ARHGAP4: variants seen among roughly 807,000 people sequenced by gnomAD.
ARHGAP4 encodes Rho GTPase activating protein 4.
In ARHGAP4, 25 loss-of-function variants were observed where a neutral mutation model predicts 67.6. The ratio of observed to expected loss-of-function variants is 0.37; its 90% CI spans 0.27 to 0.52. The LOEUF is 0.52. ARHGAP4 is among the 20% of genes least tolerant of loss of function. ARHGAP4 has a pLI of 0.92. For missense variants in ARHGAP4, 804 were observed against 854.6 expected (o/e 0.94, Z 0.74); for synonymous variants, 448 against 373.7 (o/e 1.20, Z -2.29).
At chrX:153,917,044 T>C (rs1416540132) in intron 7 of ARHGAP4, among the ~76,000 whole-genome samples, 2 of 111,052 alleles carry the variant, frequency 1.8e-5, no homozygotes, top group African/African-American at 6.6e-5. Context: ...GGTGAAACCC[T>C]GTCTCTACTT....
At chrX:153,925,815 AG>A (rs1446734633) in intron 1 of ARHGAP4, among the ~76,000 whole-genome samples, 1 of 113,008 alleles carries the variant, frequency 8.8e-6, no homozygotes, top group African/African-American at 3.2e-5. Context: ...CTGCCTTCTG[AG>A]GGGCACGTTG....
At chrX:153,908,002 C>T (rs782232463) in intron 21 of ARHGAP4, 40 bp from the exon 22 acceptor site, 1 of 1,116,278 alleles carries the variant, frequency 9.0e-7, no homozygotes, top group Non-Finnish European at 1.2e-6. Flanking sequence ...CCAGTGAGTT[C>T]CCCCGACTGA....
intron 21 of ARHGAP4, 22 bp from the exon 22 acceptor site, chrX:153,907,984 G>T (rs1169805161): frequency 2.6e-6 from 3 of 1,135,830 alleles, no homozygotes; most frequent in African/African-American, 1.9e-5. Context: ...GAAAGAAAGG[G>T]AGAGTGACCA....
intron 1 of ARHGAP4, among the ~76,000 whole-genome samples, chrX:153,924,749 G>A (rs1423174563): frequency 1.8e-5 from 2 of 111,988 alleles, no homozygotes; most frequent in African/African-American, 3.3e-5. Flanking sequence ...CAAAAGGAGA[G>A]CTGGAATCCA....
chrX:153,913,054 G>A lies in ARHGAP4; in HGVS notation c.1412-3C>T. The A allele has an allele frequency of 1.7e-6, 2 of 1,191,605 alleles. No individual in the cohort carries two copies. Among genetic ancestry groups the A allele is most frequent in the Non-Finnish European group, 2.3e-6 (2 of 884,777 alleles). ...CACCTCCTGCTCCTCCTTGTCACCT[G>A]TGGGGTGGGAGAACATTGGTCTGCC... On this transcript the variant is annotated splice_polypyrimidine_tract_variant and splice_region_variant and intron_variant, in intron 10 of 21. Transcript: ENST00000350060.
Position 153,918,970 on chromosome X carries a change from T to C in ARHGAP4, c.894A>G (p.Gln298=), listed in dbSNP as rs781945224. Residue 298 remains glutamine (Q), a synonymous_variant, in exon 7 of 22, where the codon CAA becomes CAG. Coordinates refer to ENST00000350060, the MANE Select transcript of ARHGAP4 (RefSeq NM_001666.5). ...CTTCCAGGCTGCCCAGGCCCTGCAC[T>C]TGGGAGGCTTGGGTGCGGCTCTCAG... ...TAAESRTQAS[Q]VQGLGSLEEA... The C allele has an allele frequency of 9.1e-6, 11 of 1,211,878 alleles. No homozygotes were observed. Among genetic ancestry groups the C allele is most frequent in the Middle Eastern group, 2.3e-4 (1 of 4,355 alleles).
In ARHGAP4 at chrX:153,910,363, T is replaced by C; in HGVS notation, c.1964A>G (p.Asn655Ser). ...YSDENMMDPY[N>S]LAVCFGPTLL... ...CGTGGGCCCGAAGCACACGGCCAGG[T>C]TGTAGGGGTCCATCATGTTCTCATC... The change falls in exon 17 of 22, where the codon AAC (asparagine) becomes AGC (serine). Residue 655 changes from asparagine (N) to serine (S), a missense_variant. Physicochemically the swap from Asn to Ser is conservative, Grantham distance 46. This residue lies in a region of ARHGAP4 where 400 missense variants were observed against 348.7 expected (regional missense o/e 1.15). Coordinates refer to ENST00000350060, the MANE Select transcript of ARHGAP4 (RefSeq NM_001666.5). The C allele has an allele frequency of 8.3e-7, 1 of 1,203,793 alleles. No individual in the cohort carries two copies. The highest frequency in any genetic ancestry group is 1.1e-6 in the Non-Finnish European group (1 of 891,496).
chrX:153,913,229 G>A lies in ARHGAP4; in HGVS notation c.1400C>T (p.Ala467Val). 1 of 1,168,607 alleles carries A rather than the reference G, an allele frequency of 8.6e-7. No individual in the cohort carries two copies. Among genetic ancestry groups the A allele is most frequent in the Non-Finnish European group, 1.1e-6 (1 of 873,573 alleles). ...LQAKHEKLQE[A>V]LQRGDKEEQE... is the part of the protein sequence containing the mutation. ...AGCACTGGGCCCACCTCGCTGAAGG[G>A]CCTCCTGCAGCTTCTCGTGCTTGGC... The change falls in exon 10 of 22, where the codon GCC (alanine) becomes GTC (valine). Residue 467 changes from alanine to valine, a missense_variant. Physicochemically the swap from Ala to Val is moderately conservative, Grantham distance 64. Transcript: ENST00000350060.
At chrX:153,925,745 G>T (rs1258710262) in intron 1 of ARHGAP4, among the ~76,000 whole-genome samples, 1 of 111,830 alleles carries the variant, frequency 8.9e-6, no homozygotes, top group Admixed American at 9.5e-5. Flanking sequence ...CCACTCACCC[G>T]GACTCCCTTA....
chrX:153,911,447 C>T (rs1569545856), intron 12 of ARHGAP4, among the ~76,000 whole-genome samples: 1 of 110,570 alleles, frequency 9.0e-6, no homozygotes, highest in Non-Finnish European at 1.9e-5. Flanking sequence ...CTCTGAAGAA[C>T]ACATCATCGT....
chrX:153,909,428 C>A lies in ARHGAP4; in HGVS notation c.2507+15G>T. On this transcript the variant is annotated intron_variant, in intron 20 of 21. Coordinates refer to ENST00000350060, the MANE Select transcript of ARHGAP4 (RefSeq NM_001666.5). ...AGCACACGTGTGGCCCCCTGAGCCC[C>A]GTCTTCTTGCTCACCGGTGGACCAG... 1 of 1,181,408 alleles carries A rather than the reference C, an allele frequency of 8.5e-7. No individual in the cohort carries two copies. Among genetic ancestry groups the A allele is most frequent in the Non-Finnish European group, 1.1e-6 (1 of 879,194 alleles).
At chrX:153,913,079 C>T in intron 10 of ARHGAP4, 28 bp from the exon 11 acceptor site, 1 of 1,183,969 alleles carries the variant, frequency 8.4e-7, no homozygotes, top group Non-Finnish European at 1.1e-6. Context: ...ATTGGTCTGC[C>T]TCTCGGGCCA....
intron 1 of ARHGAP4, among the ~76,000 whole-genome samples, chrX:153,925,734 T>C (rs2065122094): frequency 9.0e-6 from 1 of 111,588 alleles, no homozygotes. Context: ...TCTCCACCAA[T>C]CCACTCACCC....
In ARHGAP4 at chrX:153,910,439, G is replaced by A. The variant is rs199916184; in HGVS notation, c.1923-35C>T. On this transcript the variant is annotated intron_variant, in intron 16 of 21. Transcript: ENST00000350060. The stretch of plus-strand genomic sequence containing the variant: ...CACGCACATCACAAGCAGAGAGCCC[G>A]CACCCCGAGTCCCCCTGTCCCCTCG... 1.1e-4 allele frequency: 135 copies of A among 1,175,830 alleles called. 1 individual carries two copies. The East Asian group carries it at 2.2e-3, about 19-fold the overall frequency.
chrX:153,917,478 C>T (rs928587866), intron 7 of ARHGAP4, among the ~76,000 whole-genome samples: 4 of 110,259 alleles, frequency 3.6e-5, no homozygotes, highest in African/African-American at 9.9e-5. Context: ...AAAGGGTTGG[C>T]CGGGCACAGT....
At chrX:153,910,115 AG>A (rs782653540) in intron 17 of ARHGAP4, 30 bp from the exon 18 acceptor site, 9 of 1,210,078 alleles carry the variant, frequency 7.4e-6, no homozygotes, top group Admixed American at 2.2e-5. Context: ...GAGGCAGATG[AG>A]GGGGGCTCTT....
At position 153,912,141 on chromosome X, in the gene ARHGAP4, T is replaced by C. The variant is rs145329365; in HGVS notation, c.1542+559A>G. On this transcript the variant is annotated intron_variant, in intron 12 of 21. Transcript: ENST00000350060. Reference sequence around the variant, plus strand: ...TTTCCTTCCCTCTCTCTCTCTCTCTTTCTTTCTTTCACTGGGATTACAGGC... The same window carrying C: ...TTTCCTTCCCTCTCTCTCTCTCTCTCTCTTTCTTTCACTGGGATTACAGGC... Among the ~76,000 whole-genome samples the C allele has an allele frequency of 5.4e-3, 584 of 107,296 alleles. 7 individuals carry two copies. The highest frequency in any genetic ancestry group is 0.019 in the African/African-American group (554 of 29,320). 93.2% of individuals were successfully genotyped at this position (107,296 alleles called of 115,157 possible).
At chrX:153,915,475 C>T (rs929655720) in intron 7 of ARHGAP4, among the ~76,000 whole-genome samples, 1 of 111,535 alleles carries the variant, frequency 9.0e-6, no homozygotes, top group African/African-American at 3.3e-5. Context: ...GAGGCCGAGG[C>T]GGGTGGATCA....
intron 1 of ARHGAP4, chrX:153,922,045 G>A (rs1193241911): frequency 2.0e-6 from 2 of 979,767 alleles, no homozygotes; most frequent in Non-Finnish European, 2.6e-6. Context: ...CCAACAGATG[G>A]CCAGAGCCAC....
Sources: allele counts gnomAD v4.1 joint callset (sites outside exome capture counted in the v4.1 genomes callset), GRCh38; gene constraint gnomAD v4.1.1; regional missense constraint gnomAD v4.1.1; transcripts MANE v1.5; gene names NCBI Gene and HGNC (gene_info 2026-07-23, HGNC 2026-07-21).